Variants in ZNF721 observed in about 807,000 individuals in gnomAD.
ZNF721 encodes the protein zinc finger protein 721.
A neutral mutation model predicts 2.4 loss-of-function variants in ZNF721; 2 were observed. The observed-to-expected ratio is 0.82, with a 90% CI of 0.34 to 2.58. ZNF721 has a LOEUF of 2.58. ZNF721 is among the 30% of genes most tolerant of loss of function. The pLI is 0.11. For missense variants in ZNF721, 1,187 were observed against 1,085.5 expected (o/e 1.09, Z -1.31); for synonymous variants, 398 against 381.8 (o/e 1.04, Z -0.50).
At chr4:498,510 A>G (rs536027144) in intron 1 of ZNF721, among the ~76,000 whole-genome samples, 113 of 152,324 alleles carry the variant, frequency 7.4e-4, no homozygotes, top group Non-Finnish European at 1.2e-3. Context: ...CAGAAAAAAG[A>G]AAATGTGGTA....
intron 2 of ZNF721, among the ~76,000 whole-genome samples, chr4:459,386 T>C (rs1553865766): frequency 6.6e-6 from 1 of 152,070 alleles, no homozygotes; most frequent in Non-Finnish European, 1.5e-5. Context: ...CAGTGTGCTA[T>C]ATTGAGGAGA....
At chr4:469,655 T>C (rs1354539107) in intron 2 of ZNF721, among the ~76,000 whole-genome samples, 1 of 152,178 alleles carries the variant, frequency 6.6e-6, no homozygotes, top group Non-Finnish European at 1.5e-5. Flanking sequence ...AGGGGCATCA[T>C]ACTTCTTAAT....
intron 1 of ZNF721, among the ~76,000 whole-genome samples, chr4:483,220 TAATA>T (rs1400988254): frequency 1.3e-5 from 2 of 152,174 alleles, no homozygotes; most frequent in African/African-American, 4.8e-5. Context: ...AAATATTCTC[TAATA>T]AAACACTTGT....
intron 2 of ZNF721, among the ~76,000 whole-genome samples, chr4:470,181 A>G (rs566378666): frequency 1.3e-5 from 2 of 152,266 alleles, no homozygotes; most frequent in East Asian, 3.9e-4. Context: ...TGTGCCTGGC[A>G]AAAGTAGATC....
chr4:444,189 A>G lies in ZNF721; in HGVS notation c.278T>C (p.Phe93Ser), dbSNP rs1354405640. 6.2e-7 allele frequency: 1 copy of G among 1,613,696 alleles called. No homozygotes were observed. Among genetic ancestry groups the G allele is most frequent in the African/African-American group, 1.3e-5 (1 of 74,872 alleles). The stretch of plus-strand genomic sequence containing the variant: ...TGTCTTATCTTTGTTTGAATTTGCA[A>G]ATTTACTAAAAACTTTGACACGTGC... ...CNARVKVFSK[F>S]ANSNKDKTRH... The change falls in exon 3 of 3, where the codon TTT (phenylalanine) becomes TCT (serine). Residue 93 changes from phenylalanine to serine, a missense_variant. Physicochemically the swap from Phe to Ser is radical, Grantham distance 155 (BLOSUM62 -2). Transcript: ENST00000511833.
chr4:450,948 AAAAAAAAAATATATATATAT>A (rs1377114816), intron 2 of ZNF721, among the ~76,000 whole-genome samples: 1 of 46,414 alleles, frequency 2.2e-5, no homozygotes. Flanking sequence ...AAAAAAAAAA[AAAAAAAAAATATATATATAT>A]ATATATATAT....
At position 499,139 on chromosome 4, in the gene ZNF721, G is replaced by A; in HGVS notation, c.-177C>T. On this transcript the variant is annotated 5_prime_UTR_variant, in exon 1 of 3. Transcript: ENST00000511833. ...AACACCGCCCGCTGTTCGTATGTCC[G>A]AGGTGACGCCCCGCTGTGGCGGGCT... 3.3e-6 allele frequency: 2 copies of A among 601,762 alleles called. No homozygotes were observed. Among genetic ancestry groups the A allele is most frequent in the South Asian group, 2.2e-5 (1 of 45,058 alleles). The allele number at this position is 601,762 out of a possible 1,614,324, so 37.3% of individuals were successfully genotyped here.
At chr4:447,348 CA>C (rs1391157932) in intron 2 of ZNF721, among the ~76,000 whole-genome samples, 7 of 151,446 alleles carry the variant, frequency 4.6e-5, no homozygotes, top group Non-Finnish European at 8.8e-5. Context: ...TAAAATAAAA[CA>C]AAAAATATAT....
At chr4:494,023 A>G (rs1716087585) in intron 1 of ZNF721, among the ~76,000 whole-genome samples, 1 of 152,186 alleles carries the variant, frequency 6.6e-6, no homozygotes, top group Non-Finnish European at 1.5e-5. Context: ...TTCAAAAAGC[A>G]TTTGACTAGT....
rs573274928 is a variant in ZNF721, at chr4:470,008, G to A, written c.34+2567C>T. Among the ~76,000 whole-genome samples, 30 of 152,064 alleles carry A rather than the reference G, an allele frequency of 2.0e-4. No homozygotes were observed. The South Asian group carries it at 3.3e-3, about 17-fold the overall frequency. ...CGCCATTCTCCTGCCTCAGCCTCCC[G>A]AGTAGCTAGGACTACAGGCATCCGC... On this transcript the variant is annotated intron_variant, in intron 2 of 2. Transcript: ENST00000511833.
intron 1 of ZNF721, among the ~76,000 whole-genome samples, chr4:475,448 A>G (rs1715601023): frequency 6.6e-6 from 1 of 152,110 alleles, no homozygotes; most frequent in African/African-American, 2.4e-5. Context: ...TCTAATACTC[A>G]TTGTGTTCAC....
chr4:461,637 C>A (rs1553866119), intron 2 of ZNF721, among the ~76,000 whole-genome samples: 1 of 152,144 alleles, frequency 6.6e-6, no homozygotes, highest in East Asian at 1.9e-4. Flanking sequence ...CTTTGGGAGG[C>A]TGAGGTGGGT....
Position 499,146 on chromosome 4 carries a change from C to A in ZNF721, c.-184G>T. 1 of 610,174 alleles carries A rather than the reference C, an allele frequency of 1.6e-6. No individual in the cohort carries two copies. Among genetic ancestry groups the A allele is most frequent in the East Asian group, 3.2e-5 (1 of 31,662 alleles). 37.8% of individuals were successfully genotyped at this position (610,174 alleles called of 1,614,324 possible). ...CCCGCTGTTCGTATGTCCGAGGTGACGCCCCGCTGTGGCGGGCTGGCGGAA... is the reference window on the plus strand; with the variant it reads ...CCCGCTGTTCGTATGTCCGAGGTGAAGCCCCGCTGTGGCGGGCTGGCGGAA... On this transcript the variant is annotated 5_prime_UTR_variant, in exon 1 of 3. Coordinates refer to ENST00000511833, the MANE Select transcript of ZNF721 (RefSeq NM_133474.4).
At chr4:490,816 C>T (rs1051649020) in intron 1 of ZNF721, among the ~76,000 whole-genome samples, 4 of 152,028 alleles carry the variant, frequency 2.6e-5, no homozygotes, top group African/African-American at 9.7e-5. Context: ...AGGCTGGGCG[C>T]GGTGGCTCAT....
At chr4:478,185 T>C (rs1715681960) in intron 1 of ZNF721, among the ~76,000 whole-genome samples, 1 of 152,204 alleles carries the variant, frequency 6.6e-6, no homozygotes, top group Non-Finnish European at 1.5e-5. Flanking sequence ...CTTGGCTGAA[T>C]TATTTCTCTC....
At chr4:460,240 C>T (rs1415366890) in intron 2 of ZNF721, among the ~76,000 whole-genome samples, 13 of 152,176 alleles carry the variant, frequency 8.5e-5, no homozygotes, top group African/African-American at 3.1e-4. Context: ...TTATAACAGT[C>T]TCTCAGACAA....
intron 2 of ZNF721, among the ~76,000 whole-genome samples, chr4:451,627 T>C (rs1215265746): frequency 6.6e-6 from 1 of 152,238 alleles, no homozygotes; most frequent in African/African-American, 2.4e-5. Context: ...ATTTGGTTAT[T>C]ACATTTGCTT....
rs185704685 is a variant in ZNF721, at chr4:495,512, T to C, written c.-94+3544A>G. 6.6e-5 allele frequency among the ~76,000 whole-genome samples: 10 copies of C among 151,938 alleles called. No individual in the cohort carries two copies. In the East Asian group the frequency reaches 1.9e-3, roughly 29 times the overall value. On this transcript the variant is annotated intron_variant, in intron 1 of 2. Transcript: ENST00000511833. ...ATCAGGGGTAGCTTTGCCACAGATT[T>C]CAGCAATGGATAAATTGAGTGTGAG...
At chr4:448,253 C>T (rs985697424) in intron 2 of ZNF721, among the ~76,000 whole-genome samples, 12 of 151,670 alleles carry the variant, frequency 7.9e-5, no homozygotes, top group African/African-American at 2.9e-4. Context: ...AGAAAGAAAA[C>T]TATAAACCCC....
Sources: allele counts gnomAD v4.1 joint callset (sites outside exome capture counted in the v4.1 genomes callset), GRCh38; gene constraint gnomAD v4.1.1; transcripts MANE v1.5; gene names NCBI Gene and HGNC (gene_info 2026-07-23, HGNC 2026-07-21).